TLE1: variants seen among roughly 807,000 people sequenced by gnomAD.
The protein encoded by TLE1 is transducin-like enhancer protein 1.
Under a neutral mutation model 89.8 loss-of-function variants are expected in TLE1, and 21 were observed. That is an observed-to-expected ratio of 0.23 (90% CI 0.17 to 0.34). The LOEUF (loss-of-function observed/expected upper bound fraction) is 0.34, where lower values mean the gene tolerates loss of function less well. Ranked by LOEUF, TLE1 falls within the 10% of genes least tolerant of loss-of-function variation. The pLI is 1.00. For synonymous variants in TLE1, 447 were observed against 407.6 expected, an observed-to-expected ratio of 1.10 and a Z score of -1.16; for missense variants, 795 against 1,031.2, an observed-to-expected ratio of 0.77 and a Z score of 3.14.
Position 81,683,021 on chromosome 9 carries a change from C to T in TLE1, c.234+2655G>A, listed in dbSNP as rs539343241. On this transcript the variant is annotated intron_variant, in intron 4 of 19. Transcript: ENST00000376499. ...GGCACCACACCAGGAAAGGAAACCA[C>T]AATTATACCATTCTTGATTTGGATG... is the stretch of plus-strand genomic sequence containing the variant. Among the ~76,000 whole-genome samples the T allele has an allele frequency of 1.1e-4, 17 of 152,300 alleles. No homozygotes were observed. In the East Asian group the frequency reaches 3.1e-3, roughly 28 times the overall value.
chr9:81,591,435 G>C (rs796457291), intron 15 of TLE1, among the ~76,000 whole-genome samples: 1 of 152,122 alleles, frequency 6.6e-6, no homozygotes, highest in African/African-American at 2.4e-5. Flanking sequence ...TTCGGTCTTC[G>C]TTATGCTGAG....
At chr9:81,653,891 T>TA in intron 5 of TLE1, 83 bp downstream of exon 5, 1 of 1,303,502 alleles carries the variant, frequency 7.7e-7, no homozygotes, top group African/African-American at 1.5e-5. Flanking sequence ...TTCCTTGTGA[T>TA]AAAATTAACA....
At chr9:81,637,369 A>G (rs1827519029) in intron 6 of TLE1, among the ~76,000 whole-genome samples, 2 of 152,164 alleles carry the variant, frequency 1.3e-5, no homozygotes, top group Admixed American at 1.3e-4. Context: ...CAAAAGAAAA[A>G]AGATGAACTG....
chr9:81,645,366 C>A (rs1279808473), intron 6 of TLE1, among the ~76,000 whole-genome samples: 54 of 141,504 alleles, frequency 3.8e-4, no homozygotes, highest in African/African-American at 3.2e-4. Flanking sequence ...ACTCCGTCTC[C>A]AAAAAAAAAA....
In TLE1 at chr9:81,611,894, G is replaced by A. The variant is rs1276756052; in HGVS notation, c.1129C>T (p.His377Tyr). The change falls in exon 13 of 20, where the codon CAC becomes TAC. Residue 377 changes from histidine to tyrosine, a missense_variant. His to Tyr is a moderately conservative substitution (Grantham distance 83, BLOSUM62 2). Transcript: ENST00000376499. ...GTCAGCTCGCCGTTCATGCCAGCGT[G>A]GGGGACCATCCCAAAAGGAGCAGGA... ...PYPAPFGMVP[H>Y]AGMNGELTSP... The A allele has an allele frequency of 6.5e-7, 1 of 1,538,020 alleles. No homozygotes were observed. The highest frequency in any genetic ancestry group is 1.4e-5 in the African/African-American group (1 of 69,662).
intron 4 of TLE1, among the ~76,000 whole-genome samples, chr9:81,662,699 A>G (rs1276053031): frequency 1.5e-5 from 2 of 136,198 alleles, no homozygotes; most frequent in African/African-American, 6.5e-5. Context: ...ACTCCGTATC[A>G]AAAAAAAAAA....
chr9:81,594,824 GA>G (rs2131860204), intron 14 of TLE1, among the ~76,000 whole-genome samples: 1 of 152,218 alleles, frequency 6.6e-6, no homozygotes, highest in African/African-American at 2.4e-5. Context: ...GCACAAAACT[GA>G]AAACCGATTA....
At chr9:81,665,357 T>G (rs1442745406) in intron 4 of TLE1, among the ~76,000 whole-genome samples, 1 of 152,144 alleles carries the variant, frequency 6.6e-6, no homozygotes, top group Non-Finnish European at 1.5e-5. Context: ...AAGTCACCAA[T>G]TACTGGCAGA....
intron 10 of TLE1, 64 bp from the exon 11 acceptor site, chr9:81,616,198 A>C (rs986913789): frequency 7.8e-6 from 12 of 1,540,308 alleles, no homozygotes; most frequent in East Asian, 6.8e-5. Flanking sequence ...TTCCCTTTCC[A>C]CACTCATTCT....
At chr9:81,596,984 C>T (rs1257421916) in intron 14 of TLE1, among the ~76,000 whole-genome samples, 2 of 152,166 alleles carry the variant, frequency 1.3e-5, no homozygotes, top group Admixed American at 1.3e-4. Flanking sequence ...AGGCTCGTAA[C>T]CAGTTAACAC....
At chr9:81,602,222 G>A (rs1196929749) in intron 14 of TLE1, among the ~76,000 whole-genome samples, 1 of 152,172 alleles carries the variant, frequency 6.6e-6, no homozygotes, top group Admixed American at 6.5e-5. Flanking sequence ...CATTGTGTTA[G>A]CACAGGATGT....
chr9:81,678,121 T>C (rs757388402), intron 4 of TLE1, among the ~76,000 whole-genome samples: 4 of 152,228 alleles, frequency 2.6e-5, no homozygotes, highest in Non-Finnish European at 5.9e-5. Flanking sequence ...TTATACCTAC[T>C]ATGAGACCTT....
At chr9:81,615,330 GAA>G (rs1176268015) in intron 11 of TLE1, among the ~76,000 whole-genome samples, 3 of 126,742 alleles carry the variant, frequency 2.4e-5, no homozygotes, top group Admixed American at 8.0e-5. Flanking sequence ...CTCCGTCTCA[GAA>G]AAAAAAAAAA....
At chr9:81,625,268 C>A (rs1020670083) in intron 8 of TLE1, among the ~76,000 whole-genome samples, 19 of 152,280 alleles carry the variant, frequency 1.2e-4, no homozygotes, top group African/African-American at 4.3e-4. Flanking sequence ...TTAATATATG[C>A]TTCCTAAGGG....
chr9:81,590,799 G>A lies in TLE1; in HGVS notation c.1829+6C>T. 5 of 1,612,402 alleles carry A rather than the reference G, an allele frequency of 3.1e-6. No individual in the cohort carries two copies. Among genetic ancestry groups the A allele is most frequent in the Non-Finnish European group, 4.2e-6 (5 of 1,178,998 alleles). ...AACCCCTCCTTAGACGACCATCTTT[G>A]CTCACCTCACTAGTGTCTGGTTGTG... On this transcript the variant is annotated splice_donor_region_variant and intron_variant, in intron 16 of 19. Coordinates refer to ENST00000376499, the MANE Select transcript of TLE1 (RefSeq NM_005077.5).
intron 4 of TLE1, among the ~76,000 whole-genome samples, chr9:81,682,482 ATGACAATTTATAGCAT>A (rs1360717298): frequency 6.6e-6 from 1 of 152,228 alleles, no homozygotes; most frequent in African/African-American, 2.4e-5. Flanking sequence ...AAAGCCACCA[ATGACAATTTATAGCAT>A]GGCTTCATCA....
At chr9:81,650,872 A>T (rs1296295126) in intron 6 of TLE1, among the ~76,000 whole-genome samples, 1 of 152,194 alleles carries the variant, frequency 6.6e-6, no homozygotes, top group Non-Finnish European at 1.5e-5. Context: ...AAGGAAATGA[A>T]GGTCACCCTC....
intron 4 of TLE1, among the ~76,000 whole-genome samples, chr9:81,676,324 G>T (rs926833716): frequency 2.6e-5 from 4 of 152,148 alleles, no homozygotes; most frequent in Non-Finnish European, 4.4e-5. Context: ...TCGGAGCAAG[G>T]AAAGAAGCAC....
intron 5 of TLE1, among the ~76,000 whole-genome samples, chr9:81,653,508 A>G (rs1406866657): frequency 6.6e-6 from 1 of 152,244 alleles, no homozygotes; most frequent in African/African-American, 2.4e-5. Context: ...CATTAAGTTA[A>G]TGTATTTTGG....
Sources: gnomAD v4.1 joint callset for allele counts (sites outside exome capture counted in the v4.1 genomes callset) on GRCh38, gnomAD v4.1.1 for gene constraint, MANE v1.5 for transcripts, NCBI Gene and HGNC (gene_info 2026-07-23, HGNC 2026-07-21) for gene names.